CCDC7: variants seen among roughly 807,000 people sequenced by gnomAD.
CCDC7 encodes coiled-coil domain-containing protein 7.
CCDC7 carries 183 observed loss-of-function variants against 196.9 expected under a neutral mutation model. The observed-to-expected ratio is 0.93, with a 90% CI of 0.82 to 1.05. The LOEUF (loss-of-function observed/expected upper bound fraction) is 1.05. Ranked by LOEUF, CCDC7 falls within the 50% of genes least tolerant of loss-of-function variation. The pLI is 0.00. For synonymous variants in CCDC7, 525 were observed against 484.6 expected (o/e 1.08, Z -1.10); for missense variants, 1,540 against 1,482.2 (o/e 1.04, Z -0.64).
At chr10:32,778,396 T>C (rs2080459226) in intron 28 of CCDC7, among the ~76,000 whole-genome samples, 1 of 152,250 alleles carries the variant, frequency 6.6e-6, no homozygotes, top group Non-Finnish European at 1.5e-5. Flanking sequence ...TTCATTCTTC[T>C]GCATATGGCT....
intron 30 of CCDC7, among the ~76,000 whole-genome samples, chr10:32,808,817 A>T (rs1463755961): frequency 7.8e-6 from 1 of 128,298 alleles, no homozygotes; most frequent in East Asian, 2.3e-4. Context: ...TGACACTGTT[A>T]TAGCTGAAAA....
At chr10:32,531,055 G>A (rs2049576257) in intron 11 of CCDC7, among the ~76,000 whole-genome samples, 1 of 152,110 alleles carries the variant, frequency 6.6e-6, no homozygotes, top group South Asian at 2.1e-4. Flanking sequence ...GATATATCAT[G>A]TTTATTGATT....
chr10:32,707,054 C>T (rs1046272341), intron 24 of CCDC7, among the ~76,000 whole-genome samples: 7 of 152,232 alleles, frequency 4.6e-5, no homozygotes, highest in South Asian at 4.1e-4. Context: ...TGATGAACAT[C>T]GATGCAAAAA....
At chr10:32,533,436 A>G (rs2050003661) in intron 11 of CCDC7, among the ~76,000 whole-genome samples, 1 of 152,072 alleles carries the variant, frequency 6.6e-6, no homozygotes, top group Non-Finnish European at 1.5e-5. Flanking sequence ...TGCACACCAC[A>G]GTTGCAATAT....
At chr10:32,669,118 A>G (rs1177186697) in intron 21 of CCDC7, among the ~76,000 whole-genome samples, 3 of 151,974 alleles carry the variant, frequency 2.0e-5, no homozygotes, top group Non-Finnish European at 4.4e-5. Context: ...AATGATTTGG[A>G]ATTTTACTGG....
intron 18 of CCDC7, among the ~76,000 whole-genome samples, chr10:32,603,306 A>G (rs2061256947): frequency 6.6e-6 from 1 of 152,100 alleles, no homozygotes; most frequent in African/African-American, 2.4e-5. Context: ...GCTGAATAGT[A>G]TTCCATTGTG....
chr10:32,719,385 T>A (rs1322332620), intron 25 of CCDC7, among the ~76,000 whole-genome samples: 7 of 151,674 alleles, frequency 4.6e-5, no homozygotes, highest in Non-Finnish European at 1.0e-4. Flanking sequence ...CAAGATGGAT[T>A]AAAGACTTAA....
chr10:32,866,682 A>G (rs549949743), intron 41 of CCDC7, among the ~76,000 whole-genome samples: 150 of 151,714 alleles, frequency 9.9e-4, no homozygotes, highest in African/African-American at 3.5e-3. Context: ...AAAAAGGAAA[A>G]GCTATTTCTT....
chr10:32,453,904 A>G (rs2033722450), intron 2 of CCDC7, among the ~76,000 whole-genome samples: 1 of 152,248 alleles, frequency 6.6e-6, no homozygotes, highest in African/African-American at 2.4e-5. Context: ...ATAAATGTTT[A>G]TAGAAGTTTC....
intron 32 of CCDC7, among the ~76,000 whole-genome samples, chr10:32,826,996 G>A (rs557688930): frequency 5.9e-5 from 9 of 152,342 alleles, no homozygotes; most frequent in Non-Finnish European, 1.0e-4. Flanking sequence ...AGGTATGTGG[G>A]TGGACCTCTC....
intron 29 of CCDC7, among the ~76,000 whole-genome samples, chr10:32,799,425 A>G (rs1203567493): frequency 6.6e-6 from 1 of 152,158 alleles, no homozygotes; most frequent in Non-Finnish European, 1.5e-5. Flanking sequence ...CTTATTGCAG[A>G]GCCTTCTCCT....
intron 9 of CCDC7, among the ~76,000 whole-genome samples, chr10:32,507,946 C>G (rs1046693654): frequency 6.6e-6 from 1 of 152,168 alleles, no homozygotes; most frequent in African/African-American, 2.4e-5. Context: ...AAGACTTTTT[C>G]TCTAACAACA....
At chr10:32,631,325 G>T (rs982936535) in intron 18 of CCDC7, among the ~76,000 whole-genome samples, 2 of 152,104 alleles carry the variant, frequency 1.3e-5, no homozygotes, top group African/African-American at 2.4e-5. Context: ...ACTTTGAGTT[G>T]CCTGTAGTGT....
At chr10:32,505,951 G>C (rs1421177107) in intron 9 of CCDC7, among the ~76,000 whole-genome samples, 1 of 150,400 alleles carries the variant, frequency 6.6e-6, no homozygotes, top group Admixed American at 6.6e-5. Flanking sequence ...TCACATCCCA[G>C]ACGGGGCGGC....
At position 32,761,000 on chromosome 10, in the gene CCDC7, G is replaced by A. The variant is rs192362474; in HGVS notation, c.2906-17977G>A. 1.6e-3 allele frequency among the ~76,000 whole-genome samples: 247 copies of A among 152,094 alleles called. 1 individual carries two copies. Among genetic ancestry groups the A allele is most frequent in the Non-Finnish European group, 3.5e-4 (24 of 67,926 alleles). ...TGATATTCAGTATATTTAACAACTGGTATGGCAATATATTAATAATGTAAC... is the reference window on the plus strand; with the variant it reads ...TGATATTCAGTATATTTAACAACTGATATGGCAATATATTAATAATGTAAC... On this transcript the variant is annotated intron_variant, in intron 28 of 41. Transcript: ENST00000639629.
rs1316019906 is a variant in CCDC7, at chr10:32,787,674, C to T, written c.3013+8590C>T. Among the ~76,000 whole-genome samples, 3 of 152,322 alleles carry T rather than the reference C, an allele frequency of 2.0e-5. No individual in the cohort carries two copies. The East Asian group carries it at 5.8e-4, about 29-fold the overall frequency. On this transcript the variant is annotated intron_variant, in intron 29 of 41. Coordinates refer to ENST00000639629, the Ensembl canonical transcript of CCDC7. ...GCCACAAACTCTAGGCCAGTATCTG[C>T]AGACCCAGCCTCCAAGCCCACCCCA...
intron 6 of CCDC7, 65 bp downstream of exon 7, chr10:32,471,295 A>T (rs2133906380): frequency 6.5e-7 from 1 of 1,532,160 alleles, no homozygotes; most frequent in African/African-American, 1.4e-5. Flanking sequence ...TTAGCACTGA[A>T]TGTAAGATAA....
intron 38 of CCDC7, 93 bp from the exon 40 acceptor site, chr10:32,848,502 CA>C (rs1226958528): frequency 1.1e-5 from 10 of 925,242 alleles, no homozygotes; most frequent in Non-Finnish European, 1.6e-5. Context: ...GAAAAATTAC[CA>C]AGGCAGAAAT....
chr10:32,479,209 A>G (rs942209266), intron 8 of CCDC7, among the ~76,000 whole-genome samples: 2 of 151,968 alleles, frequency 1.3e-5, no homozygotes, highest in African/African-American at 4.8e-5. Context: ...GACACCTTTT[A>G]TTTCTTTTCT....
Sources: gnomAD v4.1 joint callset for allele counts (sites outside exome capture counted in the v4.1 genomes callset) on GRCh38, gnomAD v4.1.1 for gene constraint, MANE v1.5 for transcripts, NCBI Gene and HGNC (gene_info 2026-07-23, HGNC 2026-07-21) for gene names.